Variants in ZMYM6 observed in about 807,000 individuals in gnomAD.
ZMYM6 encodes the protein zinc finger MYM-type containing 6, also known as zinc finger MYM-type protein 6.
A neutral mutation model predicts 134.0 loss-of-function variants in ZMYM6; 90 were observed. The ratio of observed to expected loss-of-function variants is 0.67; its 90% CI spans 0.57 to 0.80. ZMYM6 has a LOEUF of 0.80. Ranked by LOEUF, ZMYM6 falls within the 30% of genes least tolerant of loss-of-function variation. ZMYM6 has a pLI of 0.00. For synonymous variants in ZMYM6, 481 were observed against 524.1 expected, an observed-to-expected ratio of 0.92 and a Z score of 1.12; for missense variants, 1,362 against 1,533.9, an observed-to-expected ratio of 0.89 and a Z score of 1.87.
At chr1:35,027,104 T>G (rs1641427962) in intron 2 of ZMYM6, among the ~76,000 whole-genome samples, 1 of 152,202 alleles carries the variant, frequency 6.6e-6, no homozygotes, top group African/African-American at 2.4e-5. Flanking sequence ...AGCTTATTTC[T>G]TCTTCCACCG....
intron 14 of ZMYM6, among the ~76,000 whole-genome samples, chr1:34,999,437 A>G (rs1640843465): frequency 6.6e-6 from 1 of 152,180 alleles, no homozygotes; most frequent in Non-Finnish European, 1.5e-5. Flanking sequence ...GAAAAGGGAT[A>G]GTTGCTGGAG....
At chr1:35,015,553 G>A (rs1424367330) in intron 4 of ZMYM6, among the ~76,000 whole-genome samples, 2 of 151,002 alleles carry the variant, frequency 1.3e-5, no homozygotes, top group Non-Finnish European at 2.9e-5. Context: ...GTGAAACCTC[G>A]TCTCTACTAA....
At chr1:34,993,875 T>C (rs1640728864) in intron 14 of ZMYM6, among the ~76,000 whole-genome samples, 1 of 151,768 alleles carries the variant, frequency 6.6e-6, no homozygotes, top group East Asian at 2.0e-4. Context: ...TTAGTAGAGA[T>C]GGGATTTCAC....
intron 14 of ZMYM6, among the ~76,000 whole-genome samples, chr1:35,002,369 T>G (rs1211710455): frequency 1.3e-5 from 2 of 152,212 alleles, no homozygotes; most frequent in African/African-American, 4.8e-5. Context: ...CAGTGCATTT[T>G]TATATTCCTA....
intron 4 of ZMYM6, chr1:35,019,091 C>A: frequency 1.7e-6 from 1 of 575,234 alleles, no homozygotes; most frequent in Non-Finnish European, 3.1e-6. Context: ...ACAGGATAGT[C>A]CTGCAATTCC....
chr1:35,012,636 T>C (rs751746295), intron 6 of ZMYM6, 55 bp from the exon 7 acceptor site: 60 of 1,575,378 alleles, frequency 3.8e-5, no homozygotes, highest in Non-Finnish European at 5.0e-5. Context: ...ATTTACATAT[T>C]GTTCAAAAAA....
intron 11 of ZMYM6, among the ~76,000 whole-genome samples, chr1:35,007,853 G>A (rs1237045950): frequency 6.6e-6 from 1 of 151,410 alleles, no homozygotes; most frequent in Non-Finnish European, 1.5e-5. Flanking sequence ...GATGGGGGAA[G>A]AAAAGATACA....
intron 14 of ZMYM6, among the ~76,000 whole-genome samples, chr1:35,001,293 T>C (rs1174465279): frequency 6.6e-6 from 1 of 151,286 alleles, no homozygotes; most frequent in African/African-American, 2.4e-5. Flanking sequence ...TTTTTCACAT[T>C]GTAAGAGCAC....
chr1:34,997,789 A>G (rs1025481001), intron 14 of ZMYM6, among the ~76,000 whole-genome samples: 9 of 152,092 alleles, frequency 5.9e-5, no homozygotes, highest in African/African-American at 2.2e-4. Context: ...ATTTTTTCCT[A>G]TATTTTTCTG....
Position 35,010,575 on chromosome 1 carries a change from C to T in ZMYM6, c.1364G>A (p.Gly455Asp). 2.5e-6 allele frequency: 4 copies of T among 1,612,368 alleles called. No homozygotes were observed. Among genetic ancestry groups the T allele is most frequent in the Non-Finnish European group, 3.4e-6 (4 of 1,179,562 alleles). The change falls in exon 10 of 16, where the codon GGC becomes GAC. Residue 455 changes from glycine to aspartate, a missense_variant. Physicochemically the swap from Gly to Asp is moderately conservative, Grantham distance 94 (BLOSUM62 -1). Transcript: ENST00000357182. ...FYKGKMFLFC[G>D]KNCSDEYKKK... Reference sequence around the variant, plus strand: ...CTTGTATTCATCAGAGCAATTCTTGCCACAAAACAGAAACATTTTACCCTG... The same window carrying T: ...CTTGTATTCATCAGAGCAATTCTTGTCACAAAACAGAAACATTTTACCCTG...
chr1:35,017,726 TGATTAA>T (rs1419612754), intron 4 of ZMYM6: 4 of 152,194 alleles, frequency 2.6e-5, no homozygotes, highest in Admixed American at 2.6e-4. Context: ...TATATTGGCC[TGATTAA>T]GGTATCAAGC....
At chr1:34,997,619 A>G (rs1274717175) in intron 14 of ZMYM6, among the ~76,000 whole-genome samples, 1 of 152,150 alleles carries the variant, frequency 6.6e-6, no homozygotes, top group Non-Finnish European at 1.5e-5. Flanking sequence ...GAAGCTCTTT[A>G]CATATTAAAA....
At chr1:35,023,858 G>A (rs1206589897) in intron 2 of ZMYM6, among the ~76,000 whole-genome samples, 2 of 151,290 alleles carry the variant, frequency 1.3e-5, no homozygotes, top group Non-Finnish European at 2.9e-5. Flanking sequence ...TCCTGACCTC[G>A]TGATCTGCCC....
At chr1:35,002,918 AT>A (rs774622237) in intron 14 of ZMYM6, among the ~76,000 whole-genome samples, 9 of 152,142 alleles carry the variant, frequency 5.9e-5, no homozygotes, top group Non-Finnish European at 1.2e-4. Context: ...CATGCCTGTA[AT>A]CACAACAGCT....
chr1:34,989,232 C>T, intron 15 of ZMYM6: 1 of 1,090,554 alleles, frequency 9.2e-7, no homozygotes, highest in Non-Finnish European at 1.1e-6. Context: ...CCATGATACA[C>T]ATCAAATTAA....
At position 35,015,069 on chromosome 1, in the gene ZMYM6, A is replaced by C; in HGVS notation, c.522T>G (p.Tyr174Ter). The C allele has an allele frequency of 6.2e-7, 1 of 1,614,108 alleles. No homozygotes were observed. Residue 174 changes from tyrosine (Y) to a stop codon, truncating the protein, a stop_gained, in exon 5 of 16, where the codon TAT (tyrosine) becomes TAG (stop). Coordinates refer to ENST00000357182, the MANE Select transcript of ZMYM6 (RefSeq NM_007167.4). LOFTEE classifies it high-confidence loss of function. ...TAACAACAGGTTTTTTCTTTAGCTC[A>C]TAAGATGACAAGCATGATTGGCTGC... is the stretch of plus-strand genomic sequence containing the variant. Reference protein sequence around the residue: ...DFCSQSCLSSYELKKKPVVTI... With the variant: ...DFCSQSCLSS
At chr1:35,028,645 G>A (rs898529592) in intron 2 of ZMYM6, among the ~76,000 whole-genome samples, 4 of 151,470 alleles carry the variant, frequency 2.6e-5, no homozygotes, top group East Asian at 2.1e-4. Flanking sequence ...GACTACAGGC[G>A]CCCACCACCA....
chr1:35,004,778 C>T (rs1230117805), intron 13 of ZMYM6, among the ~76,000 whole-genome samples: 2 of 152,176 alleles, frequency 1.3e-5, no homozygotes, highest in East Asian at 3.9e-4. Context: ...GAACTACTGG[C>T]CAGGCACGGT....
At position 34,987,305 on chromosome 1, in the gene ZMYM6, A is replaced by C; in HGVS notation, c.3777T>G (p.Asn1259Lys). 1 of 1,612,272 alleles carries C rather than the reference A, an allele frequency of 6.2e-7. No individual in the cohort carries two copies. Among genetic ancestry groups the C allele is most frequent in the Non-Finnish European group, 8.5e-7 (1 of 1,179,138 alleles). ...GGAGTTCTGGGTAACTTGTCTTTGC[A>C]TTTATCCAAAACTGAGTTACAGACA... Reference protein sequence around the residue: ...KSVSVTQFWINAKTSYPELHE... With the variant: ...KSVSVTQFWIKAKTSYPELHE... The change falls in exon 16 of 16, where the codon AAT becomes AAG. Residue 1259 changes from asparagine (N) to lysine (K), a missense_variant. By Grantham distance (94) the Asn-to-Lys change is moderately conservative. Around this residue, in one of 3 missense-constraint regions of ZMYM6, gnomAD observed 824 missense variants for 940.9 expected, o/e 0.88. Coordinates refer to ENST00000357182, the MANE Select transcript of ZMYM6 (RefSeq NM_007167.4).
Sources: gnomAD v4.1 joint callset for allele counts (sites outside exome capture counted in the v4.1 genomes callset) on GRCh38, gnomAD v4.1.1 for gene constraint, gnomAD v4.1.1 regional missense constraint, MANE v1.5 for transcripts, NCBI Gene and HGNC (gene_info 2026-07-23, HGNC 2026-07-21) for gene names.